INTS3: variants seen among roughly 807,000 people sequenced by gnomAD.
INTS3 encodes SOSS complex subunit A.
INTS3 carries 34 observed loss-of-function variants against 146.3 expected under a neutral mutation model. That is an observed-to-expected ratio of 0.23 (90% CI 0.18 to 0.31). The LOEUF is 0.31. Ranked by LOEUF, INTS3 falls within the 10% of genes least tolerant of loss-of-function variation. INTS3 has a pLI of 1.00. For missense variants in INTS3, 757 were observed against 1,304.2 expected (o/e 0.58, Z 6.46); for synonymous variants, 475 against 494.9 (o/e 0.96, Z 0.53).
chr1:153,757,083 C>T lies in INTS3; in HGVS notation c.958-489C>T, dbSNP rs541546726. On this transcript the variant is annotated intron_variant, in intron 9 of 29. Coordinates refer to ENST00000318967, the MANE Select transcript of INTS3 (RefSeq NM_023015.5). The surrounding 1 kb of genome is among the most constrained non-coding windows in gnomAD (Gnocchi z 4.0). ...GGTCTGTTTGAGGAAAAACTTTCCA[C>T]AAGAAGGTTTGGAGAGTCTAGGCTT... is the stretch of plus-strand genomic sequence containing the variant. Among the ~76,000 whole-genome samples, 1 of 152,254 alleles carries T rather than the reference C, an allele frequency of 6.6e-6. No individual in the cohort carries two copies. Among genetic ancestry groups the T allele is most frequent in the South Asian group, 2.1e-4 (1 of 4,818 alleles).
intron 3 of INTS3, among the ~76,000 whole-genome samples, chr1:153,743,894 G>T (rs1003484755): frequency 1.1e-4 from 17 of 151,958 alleles, no homozygotes; most frequent in Non-Finnish European, 1.5e-5. Flanking sequence ...GGCAGCTCTA[G>T]AAAGAAGCTT....
Position 153,772,571 on chromosome 1 carries a change from G to A in INTS3, c.2822-68G>A, listed in dbSNP as rs774990351. ...ACACTCGGGATAAAACAACCTGTGC[G>A]TGCTGTTTAATAAGCTCCCAGACAT... On this transcript the variant is annotated intron_variant, in intron 27 of 29. Transcript: ENST00000318967. The surrounding 1 kb of genome is among the most constrained non-coding windows in gnomAD (Gnocchi z 4.6). 20 of 1,612,050 alleles carry A rather than the reference G, an allele frequency of 1.2e-5. No homozygotes were observed. Among genetic ancestry groups the A allele is most frequent in the Non-Finnish European group, 1.6e-5 (19 of 1,179,052 alleles).
intron 14 of INTS3, 40 bp downstream of exon 14, chr1:153,761,716 G>A: frequency 6.9e-7 from 1 of 1,443,342 alleles, no homozygotes; most frequent in Non-Finnish European, 9.7e-7. Context: ...GTCAAAAGAG[G>A]GGCAAGACAA....
At chr1:153,768,690 A>T (rs1317800298) in intron 21 of INTS3, among the ~76,000 whole-genome samples, 1 of 152,178 alleles carries the variant, frequency 6.6e-6, no homozygotes, top group Non-Finnish European at 1.5e-5. Flanking sequence ...TGGTGTGCAC[A>T]CATAAATAAC....
At chr1:153,769,957 A>G in intron 23 of INTS3, 113 bp downstream of exon 23, 1 of 804,920 alleles carries the variant, frequency 1.2e-6, no homozygotes. Flanking sequence ...TTAAGGGGAG[A>G]GAATTGTACT....
intron 12 of INTS3, 25 bp downstream of exon 12, chr1:153,760,415 C>T: frequency 6.3e-7 from 1 of 1,586,136 alleles, no homozygotes; most frequent in Non-Finnish European, 8.7e-7. Flanking sequence ...TCTCTTTTCT[C>T]CCCATGCCTG....
In INTS3 at chr1:153,773,337, T is replaced by C. The variant is rs1672987147; in HGVS notation, c.*67T>C. On this transcript the variant is annotated 3_prime_UTR_variant, in exon 30 of 30. Transcript: ENST00000318967. ...TCCTTCTTGGTGATTCAAAGGTTAA[T>C]AGAGGCTGAGGAGATTGCAGGGGAA... The C allele has an allele frequency of 3.5e-6, 5 of 1,432,440 alleles. No individual in the cohort carries two copies. Among genetic ancestry groups the C allele is most frequent in the African/African-American group, 1.4e-5 (1 of 71,184 alleles). 88.7% of individuals were successfully genotyped at this position (1,432,440 alleles called of 1,614,324 possible). A position where few individuals can be genotyped will look rare whatever the true frequency, so the allele number is the denominator to read the frequency against.
At chr1:153,733,500 C>G (rs556458457) in intron 1 of INTS3, among the ~76,000 whole-genome samples, 1 of 151,820 alleles carries the variant, frequency 6.6e-6, no homozygotes, top group Non-Finnish European at 1.5e-5. Context: ...CGTGAGCCAC[C>G]GCACCCAGCT....
chr1:153,763,400 G>A lies in INTS3; in HGVS notation c.1766+38G>A. The A allele has an allele frequency of 3.7e-6, 6 of 1,611,808 alleles. No homozygotes were observed. In the Admixed American group the frequency reaches 8.3e-5, roughly 22 times the overall value. ...CTTGTTCTCAACTTCAGGAGGTTCA[G>A]CCCCAGGCTCTCTACCTGGTGCTTA... On this transcript the variant is annotated intron_variant, in intron 16 of 29. Coordinates refer to ENST00000318967, the MANE Select transcript of INTS3 (RefSeq NM_023015.5).
rs1305914295 is a variant in INTS3, at chr1:153,774,545, C to T, written c.*1275C>T. On this transcript the variant is annotated 3_prime_UTR_variant, in exon 30 of 30. Transcript: ENST00000318967. The stretch of plus-strand genomic sequence containing the variant: ...TGGCCACTTGCTGGGCCATGTGAAC[C>T]AGCAGAGGAGAGTTCCTTGGCTATG... The T allele has an allele frequency of 1.3e-5, 2 of 152,876 alleles. No homozygotes were observed. Among genetic ancestry groups the T allele is most frequent in the Non-Finnish European group, 2.9e-5 (2 of 68,576 alleles). 9.5% of individuals were successfully genotyped at this position (152,876 alleles called of 1,614,324 possible).
At chr1:153,744,033 A>ATGTGTG (rs1385828293) in intron 3 of INTS3, among the ~76,000 whole-genome samples, 44 of 102,412 alleles carry the variant, frequency 4.3e-4, no homozygotes, top group African/African-American at 1.6e-3. Flanking sequence ...GAGGGTGTGC[A>ATGTGTG]TGTGCGTGTG....
In INTS3 at chr1:153,747,155, G is replaced by A. The variant is rs1384074811; in HGVS notation, c.432+85G>A. The A allele has an allele frequency of 1.4e-5, 18 of 1,270,214 alleles. 1 individual carries two copies. The highest frequency in any genetic ancestry group is 2.1e-5 in the Non-Finnish European group (18 of 871,164). 78.7% of individuals were successfully genotyped at this position (1,270,214 alleles called of 1,614,324 possible). On this transcript the variant is annotated intron_variant, in intron 4 of 29. Transcript: ENST00000318967. ...GTCAGGAACGGGAAAGAGGAATCAG[G>A]GCTAACACACCCCTATCATTGTGTG...
chr1:153,770,361 C>A, intron 24 of INTS3, 50 bp downstream of exon 24: 1 of 1,153,412 alleles, frequency 8.7e-7, no homozygotes, highest in Non-Finnish European at 1.3e-6. Flanking sequence ...ACTTCCTATA[C>A]AGTTAGGGCA....
At chr1:153,762,547 T>G (rs1488551636) in intron 14 of INTS3, among the ~76,000 whole-genome samples, 181 bp from the exon 15 acceptor site, 1 of 152,178 alleles carries the variant, frequency 6.6e-6, no homozygotes, top group Non-Finnish European at 1.5e-5. Context: ...CCTCTGCAGG[T>G]CATGGAGGGT....
chr1:153,732,692 C>G (rs1221188059), intron 1 of INTS3, among the ~76,000 whole-genome samples: 2 of 152,110 alleles, frequency 1.3e-5, no homozygotes, highest in Non-Finnish European at 2.9e-5. Context: ...AGGTGATCCA[C>G]CTGCCTCGGC....
intron 13 of INTS3, 168 bp downstream of exon 13, chr1:153,761,086 C>G (rs1185681501): frequency 6.2e-6 from 9 of 1,441,096 alleles, no homozygotes; most frequent in Non-Finnish European, 7.3e-6. Flanking sequence ...AGAGGAATTT[C>G]TCTCCTGCCA....
chr1:153,751,385 G>A, intron 7 of INTS3, 146 bp downstream of exon 7: 2 of 781,612 alleles, frequency 2.6e-6, no homozygotes, highest in Non-Finnish European at 4.1e-6. Flanking sequence ...CAACAGATGA[G>A]GGTAGAAAGG....
chr1:153,732,159 T>C (rs889187315), intron 1 of INTS3, among the ~76,000 whole-genome samples: 1 of 152,064 alleles, frequency 6.6e-6, no homozygotes, highest in Non-Finnish European at 1.5e-5. Flanking sequence ...TGCCTTGGCC[T>C]TCCAAATTGC....
Position 153,759,558 on chromosome 1 carries a change from T to A in INTS3, c.1182T>A (p.Ala394=). ...TCGCTGCCTCCAATGCCAAGCTGGC[T>A]TTGTTTTATGACTGGCTGTTCTTTA... ...SNVAASNAKL[A]LFYDWLFFSP... The change falls in exon 11 of 30, where the codon GCT becomes GCA. Residue 394 remains alanine (A), a synonymous_variant. Coordinates refer to ENST00000318967, the MANE Select transcript of INTS3 (RefSeq NM_023015.5). 6.2e-7 allele frequency: 1 copy of A among 1,614,060 alleles called. No individual in the cohort carries two copies. Among genetic ancestry groups the A allele is most frequent in the Non-Finnish European group, 8.5e-7 (1 of 1,179,912 alleles).
Sources: allele counts gnomAD v4.1 joint callset (sites outside exome capture counted in the v4.1 genomes callset), GRCh38; gene constraint gnomAD v4.1.1; non-coding constraint Gnocchi (gnomAD v3.1); transcripts MANE v1.5; gene names NCBI Gene and HGNC (gene_info 2026-07-23, HGNC 2026-07-21).